The following NTNG1 variants were observed in gnomAD, a reference collection of about 807,000 sequenced individuals.
The protein encoded by NTNG1 is netrin-G1.
Under a neutral mutation model 54.0 loss-of-function variants are expected in NTNG1, and 16 were observed. The observed-to-expected ratio is 0.30, with a 90% CI of 0.20 to 0.45. The LOEUF (loss-of-function observed/expected upper bound fraction) is 0.45. Ranked by LOEUF, NTNG1 falls within the 20% of genes least tolerant of loss-of-function variation. The probability of loss-of-function intolerance (pLI) is 1.00; values close to 1 mark genes in which losing one functional copy is unlikely to be tolerated. For missense variants in NTNG1, 530 were observed against 678.7 expected (o/e 0.78, Z 2.43); for synonymous variants, 255 against 263.1 (o/e 0.97, Z 0.30).
At chr1:107,407,593 C>T in intron 4 of NTNG1, 89 bp from the exon 5 acceptor site, 2 of 1,069,748 alleles carry the variant, frequency 1.9e-6, no homozygotes, top group Non-Finnish European at 2.7e-6. Flanking sequence ...TATCAAGTGT[C>T]AAGTTTCTAA....
At chr1:107,178,125 CTTT>C (rs140513008) in intron 2 of NTNG1, among the ~76,000 whole-genome samples, 2,827 of 152,260 alleles carry the variant, frequency 0.019, 84 homozygotes, top group African/African-American at 0.064. Flanking sequence ...TAGGTTAACT[CTTT>C]AAGTTGAAAG....
chr1:107,319,375 C>T (rs7416592), intron 2 of NTNG1, among the ~76,000 whole-genome samples: 33 of 152,216 alleles, frequency 2.2e-4, no homozygotes, highest in African/African-American at 7.0e-4. Context: ...GCTTTCTAGA[C>T]GATGCCCCAA....
chr1:107,472,161 G>A (rs542352672), intron 7 of NTNG1, among the ~76,000 whole-genome samples: 2 of 152,168 alleles, frequency 1.3e-5, no homozygotes, highest in African/African-American at 4.8e-5. Context: ...CTTTTAGTGC[G>A]TATGAGGGAA....
intron 3 of NTNG1, among the ~76,000 whole-genome samples, chr1:107,361,044 A>G (rs1230032556): frequency 3.3e-5 from 5 of 150,024 alleles, no homozygotes; most frequent in Non-Finnish European, 7.4e-5. Flanking sequence ...ATATTGCAAT[A>G]TGGAAGTACA....
intron 7 of NTNG1, among the ~76,000 whole-genome samples, chr1:107,449,671 C>T (rs1000787718): frequency 5.3e-5 from 8 of 151,488 alleles, no homozygotes; most frequent in Non-Finnish European, 1.0e-4. Flanking sequence ...CTTAAAGAGT[C>T]CTTGCTTTTT....
chr1:107,196,022 G>T (rs541542497), intron 2 of NTNG1, among the ~76,000 whole-genome samples: 2 of 151,918 alleles, frequency 1.3e-5, no homozygotes, highest in Non-Finnish European at 2.9e-5. Context: ...GGGAATTTTT[G>T]TACTATTTGC....
intron 3 of NTNG1, among the ~76,000 whole-genome samples, chr1:107,388,481 A>G (rs1169196085): frequency 6.6e-6 from 1 of 152,214 alleles, no homozygotes; most frequent in Non-Finnish European, 1.5e-5. Flanking sequence ...GGGATTCAGA[A>G]CACTTTAATA....
chr1:107,462,811 C>T (rs954070731), intron 7 of NTNG1, among the ~76,000 whole-genome samples: 10 of 152,172 alleles, frequency 6.6e-5, no homozygotes, highest in African/African-American at 2.2e-4. Context: ...TTTGTTGGTA[C>T]CTATTCTCAT....
intron 2 of NTNG1, among the ~76,000 whole-genome samples, chr1:107,303,832 G>T (rs547921400): frequency 6.6e-6 from 1 of 152,018 alleles, no homozygotes; most frequent in South Asian, 2.1e-4. Context: ...GACTACAGGC[G>T]CACGCCACCA....
intron 7 of NTNG1, 42 bp from the exon 8 acceptor site, chr1:107,480,569 T>TGCCCCCCC: frequency 3.3e-6 from 2 of 609,592 alleles, no homozygotes; most frequent in Non-Finnish European, 3.1e-6. Flanking sequence ...CTGCTTCTCC[T>TGCCCCCCC]CCCCGCGCCC....
chr1:107,361,360 C>CATAT (rs10659708), intron 3 of NTNG1, among the ~76,000 whole-genome samples: 1,665 of 109,294 alleles, frequency 0.015, 18 homozygotes, highest in Middle Eastern at 0.05. Context: ...CATTATATAA[C>CATAT]ATATATATAT....
intron 7 of NTNG1, among the ~76,000 whole-genome samples, chr1:107,454,060 G>C (rs1676783950): frequency 6.6e-6 from 1 of 152,122 alleles, no homozygotes; most frequent in Admixed American, 6.6e-5. Flanking sequence ...GGAACTTGCA[G>C]TGTTCTAATA....
chr1:107,456,030 T>TAGAAC (rs1676935285), intron 7 of NTNG1, among the ~76,000 whole-genome samples: 1 of 152,120 alleles, frequency 6.6e-6, no homozygotes, highest in South Asian at 2.1e-4. Flanking sequence ...CGAGAAGGGA[T>TAGAAC]AGAACGATTC....
chr1:107,483,028 T>C lies in NTNG1; in HGVS notation c.*2188T>C, dbSNP rs1047691883. ...TGGAGATTTACGTTGGAAGCATAAA[T>C]AGAAAATTATATTTCAGGCTCACCA... On this transcript the variant is annotated 3_prime_UTR_variant, in exon 8 of 8. Transcript: ENST00000370068. 6.6e-6 allele frequency: 1 copy of C among 152,194 alleles called. No homozygotes were observed. The highest frequency in any genetic ancestry group is 1.5e-5 in the Non-Finnish European group (1 of 68,028). 9.4% of individuals were successfully genotyped at this position (152,194 alleles called of 1,614,324 possible). A position where few individuals can be genotyped will look rare whatever the true frequency, so the allele number is the denominator to read the frequency against.
intron 7 of NTNG1, among the ~76,000 whole-genome samples, chr1:107,461,576 G>C (rs1441386999): frequency 7.0e-6 from 1 of 142,474 alleles, no homozygotes; most frequent in African/African-American, 2.6e-5. Context: ...GTCTTGCTCT[G>C]TCTCCAGGCT....
At chr1:107,422,137 T>A (rs922444912) in intron 5 of NTNG1, among the ~76,000 whole-genome samples, 5 of 152,100 alleles carry the variant, frequency 3.3e-5, no homozygotes, top group South Asian at 4.1e-4. Flanking sequence ...TTCTCAAATG[T>A]GCTTTTAACC....
chr1:107,388,310 C>T (rs1227811202), intron 3 of NTNG1, among the ~76,000 whole-genome samples: 3 of 152,188 alleles, frequency 2.0e-5, no homozygotes, highest in African/African-American at 7.2e-5. Flanking sequence ...AGCCCCACAA[C>T]CGTCCTTTGA....
At chr1:107,259,300 C>T (rs1431791314) in intron 2 of NTNG1, among the ~76,000 whole-genome samples, 2 of 152,008 alleles carry the variant, frequency 1.3e-5, no homozygotes, top group Admixed American at 6.6e-5. Context: ...CACTAAAGTG[C>T]CCACTAGATC....
At chr1:107,155,824 T>C (rs568217661) in intron 2 of NTNG1, among the ~76,000 whole-genome samples, 1 of 152,356 alleles carries the variant, frequency 6.6e-6, no homozygotes, top group Non-Finnish European at 1.5e-5. Context: ...AATGAGGGAC[T>C]ATTTATACTA....
Sources: gnomAD v4.1 joint callset for allele counts (sites outside exome capture counted in the v4.1 genomes callset) on GRCh38, gnomAD v4.1.1 for gene constraint, MANE v1.5 for transcripts, NCBI Gene and HGNC (gene_info 2026-07-23, HGNC 2026-07-21) for gene names.